PEX3: variants seen among roughly 807,000 people sequenced by gnomAD.
PEX3 encodes the protein peroxin-3.
Under a neutral mutation model 55.8 loss-of-function variants are expected in PEX3, and 30 were observed. The observed-to-expected ratio is 0.54, with a 90% confidence interval of 0.40 to 0.73. The LOEUF (loss-of-function observed/expected upper bound fraction) is 0.73, where lower values mean the gene tolerates loss of function less well. PEX3 is among the 30% of genes least tolerant of loss of function. PEX3 has a pLI of 0.00. For synonymous variants in PEX3, 135 were observed against 148.4 expected, an observed-to-expected ratio of 0.91 and a Z score of 0.66; for missense variants, 351 against 432.8, an observed-to-expected ratio of 0.81 and a Z score of 1.68.
At chr6:143,456,207 C>T (rs1779843181) in intron 1 of PEX3, among the ~76,000 whole-genome samples, 1 of 152,134 alleles carries the variant, frequency 6.6e-6, no homozygotes, top group African/African-American at 2.4e-5. Context: ...GGGACTTTCT[C>T]AAAAGTCACA....
Position 143,451,403 on chromosome 6 carries a change from A to G in PEX3, c.73+288A>G, listed in dbSNP as rs1212582860. Among the ~76,000 whole-genome samples the G allele has an allele frequency of 6.6e-6, 1 of 152,044 alleles. No individual in the cohort carries two copies. Among genetic ancestry groups the G allele is most frequent in the Non-Finnish European group, 1.5e-5 (1 of 68,004 alleles). On this transcript the variant is annotated intron_variant, in intron 1 of 11. Coordinates refer to ENST00000367591, the MANE Select transcript of PEX3 (RefSeq NM_003630.3). This position sits in a 1 kb window ranked among gnomAD's most constrained non-coding sequence, Gnocchi z 4.1. ...TCATCACAGTTTAAGTTTCTGTTTC[A>G]AGGCACCATTCTCTTACAGGAACTT...
At chr6:143,481,163 TATATATAA>T (rs966580832) in intron 10 of PEX3, among the ~76,000 whole-genome samples, 17 of 133,402 alleles carry the variant, frequency 1.3e-4, no homozygotes, top group African/African-American at 4.4e-4. Flanking sequence ...TATATATATA[TATATATAA>T]AATATATATG....
At chr6:143,470,024 A>C (rs2128746559) in intron 4 of PEX3, among the ~76,000 whole-genome samples, 1 of 152,140 alleles carries the variant, frequency 6.6e-6, no homozygotes, top group East Asian at 1.9e-4. Context: ...ATCTTGGCTC[A>C]CTGCAACCTC....
chr6:143,479,272 A>G lies in PEX3; in HGVS notation c.941+74A>G. The G allele has an allele frequency of 8.5e-7, 1 of 1,171,790 alleles. No homozygotes were observed. The highest frequency in any genetic ancestry group is 2.4e-5 in the East Asian group (1 of 42,106). The allele number at this position is 1,171,790 out of a possible 1,614,324, so 72.6% of individuals were successfully genotyped here. ...GGTGCTTTGCTTGTCTTTTTGTTCC[A>G]GATAACAACAACAAACCTATTAAAT... On this transcript the variant is annotated intron_variant, in intron 10 of 11. Transcript: ENST00000367591. This position sits in a 1 kb window ranked among gnomAD's most constrained non-coding sequence, Gnocchi z 4.6.
Position 143,451,192 on chromosome 6 carries a change from G to T in PEX3, c.73+77G>T. The T allele has an allele frequency of 4.8e-6, 5 of 1,046,118 alleles. No individual in the cohort carries two copies. The highest frequency in any genetic ancestry group is 7.5e-6 in the Non-Finnish European group (5 of 665,894). 64.8% of individuals were successfully genotyped at this position (1,046,118 alleles called of 1,614,324 possible). A position where few individuals can be genotyped will look rare whatever the true frequency, so the allele number is the denominator to read the frequency against. ...GTGACTTCTTCTAAAATAAGGACAG[G>T]CCGGGCGATCCTAGTCTGGGATATG... On this transcript the variant is annotated intron_variant, in intron 1 of 11. Transcript: ENST00000367591. The surrounding 1 kb of genome is among the most constrained non-coding windows in gnomAD (Gnocchi z 4.1).
At chr6:143,474,453 C>T (rs747613367) in intron 8 of PEX3, among the ~76,000 whole-genome samples, 34 of 146,826 alleles carry the variant, frequency 2.3e-4, no homozygotes, top group Admixed American at 5.4e-4. Context: ...AGCGAGACTC[C>T]GTCTCAAAAA....
intron 8 of PEX3, among the ~76,000 whole-genome samples, 155 bp from the exon 9 acceptor site, chr6:143,474,631 G>T: frequency 6.6e-6 from 1 of 152,036 alleles, no homozygotes; most frequent in South Asian, 2.1e-4. Flanking sequence ...AACCATTACA[G>T]GTTTTTATTT....
rs1409203927 is a variant in PEX3 at position 143,451,300 on chromosome 6, C to T, written c.73+185C>T. Among the ~76,000 whole-genome samples the T allele has an allele frequency of 6.6e-6, 1 of 152,168 alleles. No homozygotes were observed. Among genetic ancestry groups the T allele is most frequent in the Non-Finnish European group, 1.5e-5 (1 of 68,022 alleles). ...TCCCATCTCTGCAGTTGAGAAATGC[C>T]TCTGTGCCCTTTGCCCTGTCACCGA... On this transcript the variant is annotated intron_variant, in intron 1 of 11. Coordinates refer to ENST00000367591, the MANE Select transcript of PEX3 (RefSeq NM_003630.3). This position sits in a 1 kb window ranked among gnomAD's most constrained non-coding sequence, Gnocchi z 4.1.
chr6:143,460,864 CAAAA>C (rs57329535), intron 2 of PEX3, among the ~76,000 whole-genome samples: 3 of 76,174 alleles, frequency 3.9e-5, no homozygotes, highest in Non-Finnish European at 2.9e-5. Flanking sequence ...AACTCTGTCT[CAAAA>C]AAAAAAAAAA....
rs1427435638 is a variant in PEX3 at position 143,463,016 on chromosome 6, A to G, written c.287+19A>G. 3 of 1,577,572 alleles carry G rather than the reference A, an allele frequency of 1.9e-6. No individual in the cohort carries two copies. Among genetic ancestry groups the G allele is most frequent in the Admixed American group, 1.7e-5 (1 of 59,926 alleles). ...AAAACAGGTAAATGCAAGTTACAGC[A>G]TTTTCTGTTTAAGCACTACACTTAA... On this transcript the variant is annotated intron_variant, in intron 3 of 11. Coordinates refer to ENST00000367591, the MANE Select transcript of PEX3 (RefSeq NM_003630.3). The surrounding 1 kb of genome is among the most constrained non-coding windows in gnomAD (Gnocchi z 5.7).
Position 143,459,223 on chromosome 6 carries a change from C to A in PEX3, c.205+7C>A. On this transcript the variant is annotated splice_region_variant and intron_variant, in intron 2 of 11. Coordinates refer to ENST00000367591, the MANE Select transcript of PEX3 (RefSeq NM_003630.3). The surrounding 1 kb of genome is among the most constrained non-coding windows in gnomAD (Gnocchi z 4.2). Reference sequence around the variant, plus strand: ...AGGACTTGCAATATGACAGGTAAGACAGAGAAATATTTATACATGTGTAAA... The same window carrying A: ...AGGACTTGCAATATGACAGGTAAGAAAGAGAAATATTTATACATGTGTAAA... 6.2e-7 allele frequency: 1 copy of A among 1,610,252 alleles called. No individual in the cohort carries two copies. Among genetic ancestry groups the A allele is most frequent in the South Asian group, 1.1e-5 (1 of 90,978 alleles).
In PEX3 at chr6:143,464,080, G is replaced by T. The variant is rs1779960005; in HGVS notation, c.287+1083G>T. Among the ~76,000 whole-genome samples the T allele has an allele frequency of 6.6e-6, 1 of 151,998 alleles. No individual in the cohort carries two copies. The highest frequency in any genetic ancestry group is 1.5e-5 in the Non-Finnish European group (1 of 67,934). On this transcript the variant is annotated intron_variant, in intron 3 of 11. Coordinates refer to ENST00000367591, the MANE Select transcript of PEX3 (RefSeq NM_003630.3). This position sits in a 1 kb window ranked among gnomAD's most constrained non-coding sequence, Gnocchi z 5.8. ...CTTCCTTCCTTCTTACAGATATAAG[G>T]TTTAGCTTATAAATTAGTTCATACA...
In PEX3 at chr6:143,471,063, C is replaced by T. The variant is rs994418719; in HGVS notation, c.434C>T (p.Ala145Val). The change falls in exon 5 of 12, where the codon GCA becomes GTA. Residue 145 changes from alanine (A) to valine (V), a missense_variant. By Grantham distance (64) the Ala-to-Val change is moderately conservative. Transcript: ENST00000367591. This position sits in a 1 kb window ranked among gnomAD's most constrained non-coding sequence, Gnocchi z 5.4. ...GGTGGATATATTTACCTGGATAATG[C>T]AGCAGTTGGCAAAAATGGCACTGTA... The part of the protein sequence containing the change: ...IIGGYIYLDN[A>V]AVGKNGTTIL... 14 of 1,613,318 alleles carry T rather than the reference C, an allele frequency of 8.7e-6. No individual in the cohort carries two copies. The highest frequency in any genetic ancestry group is 2.7e-5 in the African/African-American group (2 of 75,002).
rs765130422 is a variant in PEX3 at position 143,459,099 on chromosome 6, G to C, written c.88G>C (p.Gly30Arg). ...AATGATTGTAGGAGTATATATTCTG[G>C]GGAAATATGGACAGAAGAAAATCAG... ...GTVLGGVYILGKYGQKKIREI... is the reference protein window; with the variant it reads ...GTVLGGVYILRKYGQKKIREI... Residue 30 changes from glycine (G) to arginine (R), a missense_variant, in exon 2 of 12, where the codon GGG (glycine) becomes CGG (arginine). Gly to Arg is a moderately radical substitution (Grantham distance 125). Transcript: ENST00000367591. The surrounding 1 kb of genome is among the most constrained non-coding windows in gnomAD (Gnocchi z 4.2). 4.4e-6 allele frequency: 7 copies of C among 1,592,728 alleles called. No homozygotes were observed. In the Admixed American group the frequency reaches 1.2e-4, roughly 27 times the overall value.
intron 4 of PEX3, 90 bp downstream of exon 4, chr6:143,468,255 T>C: frequency 1.2e-6 from 1 of 848,328 alleles, no homozygotes; most frequent in South Asian, 1.5e-5. Context: ...CTTCTTTACC[T>C]GCCTTTTAGA....
chr6:143,475,835 C>T lies in PEX3; in HGVS notation c.818+979C>T, dbSNP rs1460018186. 2.0e-5 allele frequency among the ~76,000 whole-genome samples: 3 copies of T among 152,230 alleles called. No homozygotes were observed. Among genetic ancestry groups the T allele is most frequent in the Non-Finnish European group, 4.4e-5 (3 of 68,034 alleles). ...GAGCTTGTCTGGATTGAAATTTCTACACTTCATAGATAGAAATAATTTGTT... is the reference window on the plus strand; with the variant it reads ...GAGCTTGTCTGGATTGAAATTTCTATACTTCATAGATAGAAATAATTTGTT... On this transcript the variant is annotated intron_variant, in intron 9 of 11. Transcript: ENST00000367591. The surrounding 1 kb of genome is among the most constrained non-coding windows in gnomAD (Gnocchi z 4.4).
rs1227211727 is a variant in PEX3, at chr6:143,474,804, C to G, written c.766C>G (p.Arg256Gly). ...LAVQACGLSP[R>G]DITTIKLLNE... ...TCTATAGGCCTGTGGACTTTCTCCTCGAGACATTACCACTATTAAACTTCT... is the reference window on the plus strand; with the variant it reads ...TCTATAGGCCTGTGGACTTTCTCCTGGAGACATTACCACTATTAAACTTCT... Residue 256 changes from arginine to glycine, a missense_variant, in exon 9 of 12, where the codon CGA becomes GGA. Coordinates refer to ENST00000367591, the MANE Select transcript of PEX3 (RefSeq NM_003630.3). The G allele has an allele frequency of 1.3e-6, 2 of 1,589,802 alleles. No homozygotes were observed. Among genetic ancestry groups the G allele is most frequent in the Non-Finnish European group, 1.7e-6 (2 of 1,158,282 alleles).
rs1022684447 is a variant in PEX3, at chr6:143,471,149, T to G, written c.456+64T>G. On this transcript the variant is annotated intron_variant, in intron 5 of 11. Coordinates refer to ENST00000367591, the MANE Select transcript of PEX3 (RefSeq NM_003630.3). This position sits in a 1 kb window ranked among gnomAD's most constrained non-coding sequence, Gnocchi z 5.4. ...TCAGGAGGTTCAAAGTTTAACTTAT[T>G]TATCCTGATAACAATTTCTATGAAA... 1 of 1,365,582 alleles carries G rather than the reference T, an allele frequency of 7.3e-7. No individual in the cohort carries two copies. The highest frequency in any genetic ancestry group is 1.4e-5 in the African/African-American group (1 of 70,114). The allele number at this position is 1,365,582 out of a possible 1,614,324, so 84.6% of individuals were successfully genotyped here. A position where few individuals can be genotyped will look rare whatever the true frequency, so the allele number is the denominator to read the frequency against.
chr6:143,479,014 T>C lies in PEX3; in HGVS notation c.819-62T>C, dbSNP rs1220795073. 1 of 1,037,746 alleles carries C rather than the reference T, an allele frequency of 9.6e-7. No homozygotes were observed. Among genetic ancestry groups the C allele is most frequent in the Non-Finnish European group, 1.5e-6 (1 of 659,954 alleles). 64.3% of individuals were successfully genotyped at this position (1,037,746 alleles called of 1,614,324 possible). A position where few individuals can be genotyped will look rare whatever the true frequency, so the allele number is the denominator to read the frequency against. ...CTTTCAAAGGTAACCACGTTATTACTGAATTTGTTTTCTCTTCCATTCAGA... is the reference window on the plus strand; with the variant it reads ...CTTTCAAAGGTAACCACGTTATTACCGAATTTGTTTTCTCTTCCATTCAGA... On this transcript the variant is annotated intron_variant, in intron 9 of 11. Transcript: ENST00000367591. This position sits in a 1 kb window ranked among gnomAD's most constrained non-coding sequence, Gnocchi z 4.6.
Sources: allele counts gnomAD v4.1 joint callset (sites outside exome capture counted in the v4.1 genomes callset), GRCh38; gene constraint gnomAD v4.1.1; non-coding constraint Gnocchi (gnomAD v3.1); transcripts MANE v1.5; gene names NCBI Gene and HGNC (gene_info 2026-07-23, HGNC 2026-07-21).